RNF111: variants seen among roughly 807,000 people sequenced by gnomAD.
RNF111 encodes E3 ubiquitin-protein ligase Arkadia.
RNF111 carries 17 observed loss-of-function variants against 95.1 expected under a neutral mutation model. The observed-to-expected ratio is 0.18, with a 90% CI of 0.12 to 0.27. The LOEUF is 0.27. Ranked by LOEUF, RNF111 falls within the 10% of genes least tolerant of loss-of-function variation. The pLI is 1.00. For synonymous variants in RNF111, 440 were observed against 414.8 expected, an observed-to-expected ratio of 1.06 and a Z score of -0.74; for missense variants, 1,189 against 1,210.4, an observed-to-expected ratio of 0.98 and a Z score of 0.26.
At chr15:59,041,959 A>ATTTTTTTTTTTTTTTTT (rs775444330) in intron 2 of RNF111, among the ~76,000 whole-genome samples, 1 of 108,460 alleles carries the variant, frequency 9.2e-6, no homozygotes, top group Non-Finnish European at 1.8e-5. Context: ...CAGTCTGTTC[A>ATTTTTTTTTTTTTTTTT]TATTTTTTTT....
At chr15:59,029,737 GT>G (rs1452389021) in intron 1 of RNF111, among the ~76,000 whole-genome samples, 1 of 152,218 alleles carries the variant, frequency 6.6e-6, no homozygotes, top group Non-Finnish European at 1.5e-5. Context: ...GTGGTTAACA[GT>G]TTGGTGGGCT....
intron 1 of RNF111, among the ~76,000 whole-genome samples, chr15:59,026,610 CTGTTA>C (rs1388951345): frequency 2.0e-5 from 3 of 152,114 alleles, no homozygotes; most frequent in African/African-American, 7.2e-5. Flanking sequence ...AGAATATTAT[CTGTTA>C]TATTTGCTGC....
chr15:59,057,247 C>T (rs1382228474), intron 4 of RNF111, among the ~76,000 whole-genome samples: 1 of 152,044 alleles, frequency 6.6e-6, no homozygotes, highest in Non-Finnish European at 1.5e-5. Context: ...ATTGTCTAGC[C>T]CAAAATGTTA....
chr15:59,030,698 T>C (rs2040860436), intron 1 of RNF111, 106 bp from the exon 2 acceptor site: 1 of 732,524 alleles, frequency 1.4e-6, no homozygotes, highest in Admixed American at 3.3e-5. Flanking sequence ...GAAAAGACAG[T>C]TCTGCCTTTA....
chr15:59,009,677 G>A (rs1272730577), intron 1 of RNF111, among the ~76,000 whole-genome samples: 5 of 151,934 alleles, frequency 3.3e-5, no homozygotes, highest in African/African-American at 2.4e-5. Context: ...TTCAGTGGCC[G>A]GGCACAGTGG....
At chr15:59,024,163 A>G (rs1176290703) in intron 1 of RNF111, among the ~76,000 whole-genome samples, 1 of 151,924 alleles carries the variant, frequency 6.6e-6, no homozygotes, top group African/African-American at 2.4e-5. Flanking sequence ...CTTAGGTATT[A>G]TTTTCCTAAT....
chr15:59,043,755 T>C (rs2041579071), intron 2 of RNF111, among the ~76,000 whole-genome samples: 1 of 152,186 alleles, frequency 6.6e-6, no homozygotes, highest in African/African-American at 2.4e-5. Context: ...ACTTTAATTG[T>C]GACTGTAAAA....
At chr15:59,051,673 G>T (rs959622873) in intron 2 of RNF111, among the ~76,000 whole-genome samples, 1 of 151,708 alleles carries the variant, frequency 6.6e-6, no homozygotes, top group African/African-American at 2.4e-5. Flanking sequence ...AGAGGCTGAG[G>T]CATGAGAATC....
At chr15:58,994,634 C>T (rs1010839731) in intron 1 of RNF111, among the ~76,000 whole-genome samples, 9 of 151,472 alleles carry the variant, frequency 5.9e-5, no homozygotes, top group South Asian at 2.1e-4. Context: ...CCCGCCACCA[C>T]GTCCAGCTAA....
chr15:58,996,463 C>T (rs771751532), intron 1 of RNF111, among the ~76,000 whole-genome samples: 4 of 151,508 alleles, frequency 2.6e-5, no homozygotes, highest in Admixed American at 2.0e-4. Flanking sequence ...TGCCTGTAAT[C>T]CCAGCTACTT....
intron 3 of RNF111, among the ~76,000 whole-genome samples, chr15:59,052,730 A>G (rs1314862993): frequency 6.6e-6 from 1 of 151,950 alleles, no homozygotes; most frequent in Non-Finnish European, 1.5e-5. Flanking sequence ...TCCTTTTCAA[A>G]GCAGGCTGCA....
At chr15:59,004,421 A>G (rs1490228845) in intron 1 of RNF111, among the ~76,000 whole-genome samples, 1 of 152,212 alleles carries the variant, frequency 6.6e-6, no homozygotes, top group Admixed American at 6.5e-5. Flanking sequence ...TACTATTTTT[A>G]TCTAGAATAT....
chr15:59,088,907 G>C (rs1026328182), intron 10 of RNF111, among the ~76,000 whole-genome samples: 2 of 152,128 alleles, frequency 1.3e-5, no homozygotes, highest in Non-Finnish European at 2.9e-5. Context: ...CAGCACTTCA[G>C]CTCTATGCTT....
chr15:59,054,592 T>C (rs1011781837), intron 3 of RNF111, among the ~76,000 whole-genome samples: 1 of 152,150 alleles, frequency 6.6e-6, no homozygotes, highest in Non-Finnish European at 1.5e-5. Flanking sequence ...GTTTCTGATA[T>C]GTACTATCCT....
At chr15:59,067,190 C>T in intron 6 of RNF111, 107 bp downstream of exon 6, 3 of 979,676 alleles carry the variant, frequency 3.1e-6, no homozygotes, top group Non-Finnish European at 4.5e-6. Context: ...GTCTCTCTCC[C>T]TCCCTCCATT....
chr15:59,078,907 C>T (rs748821264), intron 7 of RNF111, among the ~76,000 whole-genome samples: 15 of 150,996 alleles, frequency 9.9e-5, no homozygotes, highest in Non-Finnish European at 1.2e-4. Flanking sequence ...AGGCTACTTA[C>T]GATTAATCAT....
chr15:58,996,649 C>CTTTTT lies in RNF111; in HGVS notation c.-20+8606_-20+8610dup, dbSNP rs60350601. On this transcript the variant is annotated intron_variant, in intron 1 of 13. Transcript: ENST00000348370. Reference sequence around the variant, plus strand: ...GTGATTGAAAACTCATCAGTACTTTCTTTTTTTTTTTTTTTTTTTTTTTTT... The same window carrying CTTTTT: ...GTGATTGAAAACTCATCAGTACTTTCTTTTTTTTTTTTTTTTTTTTTTTTTTTTTT... 2.2e-3 allele frequency among the ~76,000 whole-genome samples: 222 copies of CTTTTT among 100,742 alleles called. 6 individuals carry two copies. The highest frequency in any genetic ancestry group is 6.3e-3 in the East Asian group (24 of 3,806). The allele number at this position is 100,742 out of a possible 152,430, so 66.1% of individuals were successfully genotyped here. A position where few individuals can be genotyped will look rare whatever the true frequency, so the allele number is the denominator to read the frequency against.
chr15:59,061,373 C>T (rs1176800923), intron 5 of RNF111, among the ~76,000 whole-genome samples: 1 of 152,172 alleles, frequency 6.6e-6, no homozygotes, highest in Non-Finnish European at 1.5e-5. Context: ...TAGCTTCACA[C>T]TTATCCAAGT....
chr15:59,044,701 C>G (rs2041626484), intron 2 of RNF111, among the ~76,000 whole-genome samples: 2 of 151,862 alleles, frequency 1.3e-5, no homozygotes, highest in South Asian at 4.1e-4. Flanking sequence ...TTTAGTATTT[C>G]TAAATGTAAA....
Sources: gnomAD v4.1 joint callset for allele counts (sites outside exome capture counted in the v4.1 genomes callset) on GRCh38, gnomAD v4.1.1 for gene constraint, MANE v1.5 for transcripts, NCBI Gene and HGNC (gene_info 2026-07-23, HGNC 2026-07-21) for gene names.